The following VPS8 variants were observed in gnomAD, a reference collection of about 807,000 sequenced individuals.
The protein encoded by VPS8 is vacuolar protein sorting-associated protein 8 homolog.
VPS8 carries 129 observed loss-of-function variants against 216.4 expected under a neutral mutation model. That is an observed-to-expected ratio of 0.60 (90% CI 0.52 to 0.69). The LOEUF (loss-of-function observed/expected upper bound fraction) is 0.69, where lower values mean the gene tolerates loss of function less well. Ranked by LOEUF, VPS8 falls within the 30% of genes least tolerant of loss-of-function variation. The pLI, the probability that VPS8 is intolerant of heterozygous loss-of-function variation, is 0.00. For missense variants in VPS8, 1,531 were observed against 1,683.5 expected (o/e 0.91, Z 1.59); for synonymous variants, 571 against 565.4 (o/e 1.01, Z -0.14).
chr3:184,866,261 T>C (rs1727340106), intron 16 of VPS8, among the ~76,000 whole-genome samples: 1 of 152,194 alleles, frequency 6.6e-6, no homozygotes, highest in Non-Finnish European at 1.5e-5. Context: ...CATGGATGAA[T>C]CTTAAACATA....
intron 29 of VPS8, chr3:184,922,624 C>G (rs1466081725): frequency 3.2e-6 from 1 of 315,502 alleles, no homozygotes; most frequent in African/African-American, 2.2e-5. Context: ...TAGTGTTTAT[C>G]TTGCGTCAAT....
Position 184,914,298 on chromosome 3 carries a change from G to T in VPS8, c.2190-683G>T, listed in dbSNP as rs530596118. ...ACCTTAAACTCTTCAGGATATGCTGGTGTCCAGTTGTCTCCAGTCTAACAT... is the reference window on the plus strand; with the variant it reads ...ACCTTAAACTCTTCAGGATATGCTGTTGTCCAGTTGTCTCCAGTCTAACAT... On this transcript the variant is annotated intron_variant, in intron 26 of 47. Transcript: ENST00000625842. Among the ~76,000 whole-genome samples, 3 of 152,118 alleles carry T rather than the reference G, an allele frequency of 2.0e-5. No homozygotes were observed. In the East Asian group the frequency reaches 5.8e-4, roughly 29 times the overall value.
intron 40 of VPS8, among the ~76,000 whole-genome samples, chr3:184,980,172 A>G (rs377664023): frequency 5.9e-5 from 9 of 151,362 alleles, no homozygotes; most frequent in African/African-American, 1.5e-4. Context: ...TGTTTGCCCA[A>G]TGGGGTTCCC....
intron 21 of VPS8, among the ~76,000 whole-genome samples, chr3:184,885,286 A>G (rs892758736): frequency 5.9e-5 from 9 of 152,178 alleles, no homozygotes; most frequent in African/African-American, 1.2e-4. Context: ...GGATTTTTAA[A>G]GGGAAACCAT....
intron 30 of VPS8, among the ~76,000 whole-genome samples, chr3:184,925,366 C>T (rs76084511): frequency 0.033 from 5,001 of 152,232 alleles, 266 homozygotes; most frequent in African/African-American, 0.11. Flanking sequence ...CTTGTAATCC[C>T]GCTTAAATAG....
chr3:184,915,097 G>A, intron 27 of VPS8, 44 bp downstream of exon 27: 2 of 1,597,458 alleles, frequency 1.3e-6, no homozygotes. Flanking sequence ...TCCGTCTCTG[G>A]TTAAGACGCA....
intron 40 of VPS8, among the ~76,000 whole-genome samples, chr3:184,980,390 A>G (rs537530880): frequency 2.0e-5 from 3 of 151,882 alleles, no homozygotes; most frequent in African/African-American, 4.8e-5. Flanking sequence ...GTATCCTCAA[A>G]TATGTTTTCC....
intron 21 of VPS8, among the ~76,000 whole-genome samples, chr3:184,881,833 T>G (rs1051173669): frequency 2.0e-5 from 3 of 152,076 alleles, no homozygotes; most frequent in African/African-American, 7.2e-5. Flanking sequence ...GATTTACGCC[T>G]AATATTTCTT....
intron 42 of VPS8, among the ~76,000 whole-genome samples, chr3:184,986,927 T>C (rs772281338): frequency 4.6e-5 from 7 of 151,806 alleles, no homozygotes; most frequent in Admixed American, 6.6e-5. Flanking sequence ...AATATTGATA[T>C]ATTATAATTA....
At chr3:185,030,488 C>A (rs1561196641) in intron 46 of VPS8, among the ~76,000 whole-genome samples, 1 of 152,154 alleles carries the variant, frequency 6.6e-6, no homozygotes, top group Admixed American at 6.5e-5. Flanking sequence ...CAGCTGTTCT[C>A]CTCAAAGTAA....
At chr3:185,011,853 C>G (rs533228900) in intron 45 of VPS8, among the ~76,000 whole-genome samples, 60 of 152,204 alleles carry the variant, frequency 3.9e-4, no homozygotes, top group African/African-American at 1.4e-3. Flanking sequence ...GACCCAGATG[C>G]TGGAATTGGC....
chr3:185,001,336 G>C (rs1216403232), intron 45 of VPS8, among the ~76,000 whole-genome samples: 1 of 152,180 alleles, frequency 6.6e-6, no homozygotes, highest in African/African-American at 2.4e-5. Context: ...TGCAAATTCA[G>C]TGGTCCCCAT....
intron 15 of VPS8, among the ~76,000 whole-genome samples, chr3:184,862,635 T>C (rs1254560204): frequency 6.6e-6 from 1 of 152,228 alleles, no homozygotes; most frequent in Non-Finnish European, 1.5e-5. Context: ...AAAAACGATA[T>C]GCTCTAATCC....
intron 46 of VPS8, among the ~76,000 whole-genome samples, chr3:185,041,770 T>G (rs542037035): frequency 6.6e-6 from 1 of 152,348 alleles, no homozygotes; most frequent in East Asian, 1.9e-4. Context: ...TGCTCTAATG[T>G]GTGTGGTGTT....
chr3:184,989,759 C>T (rs1297033803), intron 42 of VPS8, among the ~76,000 whole-genome samples: 2 of 152,020 alleles, frequency 1.3e-5, no homozygotes, highest in African/African-American at 2.4e-5. Flanking sequence ...GTGATGCTGG[C>T]CTCAGAGAAT....
intron 20 of VPS8, 65 bp from the exon 21 acceptor site, chr3:184,870,651 C>T: frequency 8.4e-7 from 1 of 1,197,042 alleles, no homozygotes; most frequent in Non-Finnish European, 1.2e-6. Flanking sequence ...TTAGGAGAGC[C>T]ACATACATAT....
Position 184,986,557 on chromosome 3 carries a change from A to C in VPS8, c.3585+3463A>C, listed in dbSNP as rs181005276. 1.6e-3 allele frequency among the ~76,000 whole-genome samples: 251 copies of C among 152,302 alleles called. 1 individual carries two copies. Among genetic ancestry groups the C allele is most frequent in the Non-Finnish European group, 1.6e-3 (110 of 68,020 alleles). On this transcript the variant is annotated intron_variant, in intron 42 of 47. Coordinates refer to ENST00000625842, the MANE Select transcript of VPS8 (RefSeq NM_001009921.3). ...CCTCTTCCCCCTTCCAGCAGCCATC[A>C]GACGCACTCACTTCTCATGAAGGAG...
At chr3:184,835,714 T>TC (rs968800096) in intron 5 of VPS8, among the ~76,000 whole-genome samples, 2 of 148,836 alleles carry the variant, frequency 1.3e-5, no homozygotes, top group Non-Finnish European at 3.0e-5. Context: ...TTTTTCTTTT[T>TC]TTTTTTTTTT....
At chr3:184,959,299 A>C (rs1746108657) in intron 37 of VPS8, among the ~76,000 whole-genome samples, 1 of 152,324 alleles carries the variant, frequency 6.6e-6, no homozygotes, top group South Asian at 2.1e-4. Context: ...ATATCTAAAA[A>C]TAATGACATC....
Sources: allele counts gnomAD v4.1 joint callset (sites outside exome capture counted in the v4.1 genomes callset), GRCh38; gene constraint gnomAD v4.1.1; transcripts MANE v1.5; gene names NCBI Gene and HGNC (gene_info 2026-07-23, HGNC 2026-07-21).